ADAM12: variants seen among roughly 807,000 people sequenced by gnomAD.
ADAM12 encodes the protein disintegrin and metalloproteinase domain-containing protein 12.
A neutral mutation model predicts 106.4 loss-of-function variants in ADAM12; 70 were observed. That is an observed-to-expected ratio of 0.66 (90% CI 0.54 to 0.80). ADAM12 has a LOEUF of 0.80. Among genes scored for constraint, ADAM12 ranks in the 30% least tolerant of loss-of-function variants. ADAM12 has a pLI of 0.00. For missense variants in ADAM12, 1,010 were observed against 1,171.9 expected, an observed-to-expected ratio of 0.86 and a Z score of 2.02; for synonymous variants, 420 against 433.5, an observed-to-expected ratio of 0.97 and a Z score of 0.39.
chr10:126,190,209 T>C (rs60500429), intron 3 of ADAM12, among the ~76,000 whole-genome samples: 11,364 of 147,342 alleles, frequency 0.077, 1,362 homozygotes, highest in African/African-American at 0.26. Context: ...TTTTTTTTTT[T>C]CTTTTTTTTT....
intron 22 of ADAM12, 116 bp downstream of exon 22, chr10:126,019,579 G>C (rs1228235790): frequency 3.7e-6 from 5 of 1,334,660 alleles, no homozygotes; most frequent in Non-Finnish European, 5.1e-6. Flanking sequence ...CCCAGTTGTA[G>C]GGGGAGCAGG....
At position 126,169,007 on chromosome 10, in the gene ADAM12, C is replaced by T. The variant is rs147765044; in HGVS notation, c.261-13702G>A. On this transcript the variant is annotated intron_variant, in intron 3 of 22. Transcript: ENST00000448723. Reference sequence around the variant, plus strand: ...GGCAGAGATTGTAGTGAGCCGAGATCGCACCAGTGCACTCCAGCCTGGGCC... The same window carrying T: ...GGCAGAGATTGTAGTGAGCCGAGATTGCACCAGTGCACTCCAGCCTGGGCC... Among the ~76,000 whole-genome samples, 151 of 152,220 alleles carry T rather than the reference C, an allele frequency of 9.9e-4. 1 individual carries two copies. The East Asian group carries it at 0.016, about 17-fold the overall frequency.
At chr10:126,061,578 G>A (rs911585080) in intron 14 of ADAM12, among the ~76,000 whole-genome samples, 3 of 152,180 alleles carry the variant, frequency 2.0e-5, no homozygotes, top group African/African-American at 7.2e-5. Flanking sequence ...GAGCCTGATG[G>A]AATCAAAAGG....
intron 12 of ADAM12, among the ~76,000 whole-genome samples, chr10:126,067,374 G>A (rs34324197): frequency 1.7e-3 from 253 of 152,308 alleles, no homozygotes; most frequent in Non-Finnish European, 2.7e-3. Context: ...TCCATCACTC[G>A]GAAAGTCAGA....
intron 3 of ADAM12, among the ~76,000 whole-genome samples, chr10:126,274,063 C>G (rs892096660): frequency 1.1e-4 from 16 of 152,330 alleles, no homozygotes; most frequent in African/African-American, 3.6e-4. Flanking sequence ...CCTTCGACCT[C>G]CTGGGAACTC....
intron 2 of ADAM12, among the ~76,000 whole-genome samples, chr10:126,319,876 G>A (rs1854036544): frequency 6.6e-6 from 1 of 152,152 alleles, no homozygotes. Context: ...AGTCTTGGGA[G>A]GATGGAAGGG....
chr10:126,338,385 T>C (rs1854790775), intron 1 of ADAM12, among the ~76,000 whole-genome samples: 1 of 149,362 alleles, frequency 6.7e-6, no homozygotes, highest in South Asian at 2.1e-4. Context: ...CCCAAGTAGC[T>C]GGGACTACAG....
intron 1 of ADAM12, among the ~76,000 whole-genome samples, chr10:126,345,440 G>C (rs1271406220): frequency 6.6e-6 from 1 of 152,120 alleles, no homozygotes; most frequent in Non-Finnish European, 1.5e-5. Flanking sequence ...ATTTTATTGA[G>C]GATTTTTGCA....
intron 21 of ADAM12, among the ~76,000 whole-genome samples, chr10:126,033,506 T>G (rs1437323927): frequency 6.6e-6 from 1 of 152,202 alleles, no homozygotes; most frequent in Non-Finnish European, 1.5e-5. Context: ...TTTATATATC[T>G]TGGCCTGGGC....
chr10:126,038,490 A>C, intron 19 of ADAM12, 141 bp from the exon 20 acceptor site: 1 of 602,390 alleles, frequency 1.7e-6, no homozygotes, highest in African/African-American at 1.9e-5. Context: ...AAATTACCTA[A>C]TAACACTCTT....
intron 2 of ADAM12, among the ~76,000 whole-genome samples, chr10:126,314,962 C>A (rs1853806213): frequency 6.6e-6 from 1 of 152,140 alleles, no homozygotes; most frequent in Non-Finnish European, 1.5e-5. Context: ...GAAGCTAGGA[C>A]TGGTAAGGTA....
intron 5 of ADAM12, among the ~76,000 whole-genome samples, chr10:126,127,450 C>T (rs1290315050): frequency 1.3e-5 from 2 of 152,220 alleles, no homozygotes; most frequent in African/African-American, 4.8e-5. Flanking sequence ...TCTATTCCTG[C>T]ACTACTTACT....
chr10:126,365,246 G>A lies in ADAM12; in HGVS notation c.88+22812C>T, dbSNP rs141161043. 3.4e-3 allele frequency among the ~76,000 whole-genome samples: 523 copies of A among 152,232 alleles called. 5 individuals are homozygous for A. The highest frequency in any genetic ancestry group is 4.7e-3 in the Non-Finnish European group (320 of 68,018). On this transcript the variant is annotated intron_variant, in intron 1 of 22. Transcript: ENST00000448723. ...CTAACATTCTGCTTCCGGTGCCATCGTTTACTTCTGAACCTAAGAGGGGAA... is the reference window on the plus strand; with the variant it reads ...CTAACATTCTGCTTCCGGTGCCATCATTTACTTCTGAACCTAAGAGGGGAA...
chr10:126,233,248 G>A (rs946783213), intron 3 of ADAM12, among the ~76,000 whole-genome samples: 5 of 152,294 alleles, frequency 3.3e-5, no homozygotes, highest in Admixed American at 2.6e-4. Context: ...GAGCAGTCTG[G>A]AAGAGGTGGG....
intron 11 of ADAM12, among the ~76,000 whole-genome samples, chr10:126,088,873 G>A (rs1274828268): frequency 6.6e-6 from 1 of 152,158 alleles, no homozygotes; most frequent in East Asian, 1.9e-4. Flanking sequence ...ATGCTTGCGG[G>A]GAAGTAGGAT....
At chr10:126,042,963 C>T in intron 18 of ADAM12, 77 bp downstream of exon 18, 2 of 1,397,524 alleles carry the variant, frequency 1.4e-6, no homozygotes, top group Non-Finnish European at 2.0e-6. Context: ...CTACCTGCAC[C>T]CATGCTGACA....
In ADAM12 at chr10:126,342,412, T is replaced by C. The variant is rs186748559; in HGVS notation, c.89-11903A>G. 6.8e-4 allele frequency among the ~76,000 whole-genome samples: 104 copies of C among 152,322 alleles called. 1 individual carries two copies. Among genetic ancestry groups the C allele is most frequent in the African/African-American group, 2.4e-3 (101 of 41,580 alleles). On this transcript the variant is annotated intron_variant, in intron 1 of 22. Coordinates refer to ENST00000448723, the MANE Select transcript of ADAM12 (RefSeq NM_001288973.2). ...TTAGAATTAGCGTCCTGAAGAACTT[T>C]TCATTCTATTCAATTTGACAGATAT...
At chr10:126,238,022 A>G (rs1238185625) in intron 3 of ADAM12, among the ~76,000 whole-genome samples, 1 of 152,244 alleles carries the variant, frequency 6.6e-6, no homozygotes, top group East Asian at 1.9e-4. Context: ...AAGAAAACAA[A>G]GCAACGACAA....
intron 2 of ADAM12, among the ~76,000 whole-genome samples, chr10:126,303,368 T>C (rs1189616279): frequency 6.6e-6 from 1 of 152,216 alleles, no homozygotes; most frequent in Non-Finnish European, 1.5e-5. Flanking sequence ...TTTTCCCTTT[T>C]ATTAAATTGG....
Sources: allele counts gnomAD v4.1 joint callset (sites outside exome capture counted in the v4.1 genomes callset), GRCh38; gene constraint gnomAD v4.1.1; transcripts MANE v1.5; gene names NCBI Gene and HGNC (gene_info 2026-07-23, HGNC 2026-07-21).